EPCAM: variants seen among roughly 807,000 people sequenced by gnomAD.
EPCAM encodes the protein adenocarcinoma-associated antigen.
In EPCAM, 39 loss-of-function variants were observed where a neutral mutation model predicts 40.0. The ratio of observed to expected loss-of-function variants is 0.98; its 90% CI spans 0.76 to 1.27. EPCAM has a LOEUF of 1.27. Among genes scored for constraint, EPCAM ranks in the 50% most tolerant of loss-of-function variants. The pLI, the probability that EPCAM is intolerant of heterozygous loss-of-function variation, is 0.00. For synonymous variants in EPCAM, 168 were observed against 132.3 expected (o/e 1.27, Z -1.85); for missense variants, 503 against 381.2 (o/e 1.32, Z -2.66).
At chr2:47,373,205 T>TAAAA (rs777057814) in intron 1 of EPCAM, among the ~76,000 whole-genome samples, 1,416 of 64,876 alleles carry the variant, frequency 0.022, 113 homozygotes, top group East Asian at 0.055. Context: ...ACCCTATCTT[T>TAAAA]AAAAAAAAAA....
rs1312021137 is a variant in EPCAM at position 47,373,463 on chromosome 2, A to G, written c.77A>G (p.Glu26Gly). Reference protein sequence around the residue: ...ATATFAAAQEECVCENYKLAV... With the variant: ...ATATFAAAQEGCVCENYKLAV... Reference sequence around the variant, plus strand: ...GTAGATTTTTTTTTTAATTTTCTAGAATGTGTCTGTGAAAACTACAAGCTG... The same window carrying G: ...GTAGATTTTTTTTTTAATTTTCTAGGATGTGTCTGTGAAAACTACAAGCTG... The change falls in exon 2 of 9, where the codon GAA becomes GGA. Residue 26 changes from glutamate (E) to glycine (G), a missense_variant and splice_region_variant. Glu to Gly is a moderately conservative substitution (Grantham distance 98, BLOSUM62 -2). Transcript: ENST00000263735. 1 of 1,598,934 alleles carries G rather than the reference A, an allele frequency of 6.3e-7. No homozygotes were observed. The highest frequency in any genetic ancestry group is 8.6e-7 in the Non-Finnish European group (1 of 1,167,098).
rs1558432495 is a variant in EPCAM at position 47,369,341 on chromosome 2, C to T, written c.-165C>T. The T allele has an allele frequency of 3.9e-6, 5 of 1,276,200 alleles. No individual in the cohort carries two copies. The highest frequency in any genetic ancestry group is 5.1e-6 in the Non-Finnish European group (5 of 976,284). 79.1% of individuals were successfully genotyped at this position (1,276,200 alleles called of 1,614,324 possible). ...GCGCTAGTCCTTCGGCGAGCGAGCA[C>T]CTTCGACGCGGTCCGGGGACCCCCT... is the stretch of plus-strand genomic sequence containing the variant. On this transcript the variant is annotated 5_prime_UTR_variant, in exon 1 of 9. Transcript: ENST00000263735.
chr2:47,371,416 G>C (rs1029483962), intron 1 of EPCAM, among the ~76,000 whole-genome samples: 12 of 152,178 alleles, frequency 7.9e-5, no homozygotes. Context: ...ATGAGCCACC[G>C]GTCCGGCATC....
intron 4 of EPCAM, among the ~76,000 whole-genome samples, chr2:47,375,673 A>G (rs1482371955): frequency 1.3e-5 from 2 of 151,860 alleles, no homozygotes; most frequent in African/African-American, 2.4e-5. Flanking sequence ...ATTCTTTTAT[A>G]TAAACCACTA....
At chr2:47,371,078 C>A (rs74674972) in intron 1 of EPCAM, among the ~76,000 whole-genome samples, 2,198 of 152,286 alleles carry the variant, frequency 0.014, 56 homozygotes, top group African/African-American at 0.05. Flanking sequence ...CTCCTGGGCT[C>A]AAGTGATCAC....
At chr2:47,382,182 ATAT>A (rs377262043) in intron 7 of EPCAM, among the ~76,000 whole-genome samples, 157 of 152,308 alleles carry the variant, frequency 1.0e-3, no homozygotes, top group African/African-American at 3.3e-3. Context: ...GCAAAAATGG[ATAT>A]TATACATAAT....
At chr2:47,372,705 G>T (rs181474375) in intron 1 of EPCAM, among the ~76,000 whole-genome samples, 46 of 150,370 alleles carry the variant, frequency 3.1e-4, no homozygotes, top group African/African-American at 1.1e-3. Context: ...CTGGGAGATG[G>T]ATGTTGCAGT....
In EPCAM at chr2:47,372,499, C is replaced by T. The variant is rs150451856; in HGVS notation, c.77-964C>T. 3.9e-3 allele frequency among the ~76,000 whole-genome samples: 598 copies of T among 152,000 alleles called. 3 individuals carry two copies. Among genetic ancestry groups the T allele is most frequent in the African/African-American group, 0.013 (554 of 41,422 alleles). On this transcript the variant is annotated intron_variant, in intron 1 of 8. Transcript: ENST00000263735. ...CTAAAAATAGAAAAAAAAAGCCGGG[C>T]GCGGTGGCTGACACCTGTAATCCCA...
At position 47,386,608 on chromosome 2, in the gene EPCAM, G is replaced by A. The variant is rs959971996; in HGVS notation, c.940G>A (p.Ala314Thr). 9.4e-6 allele frequency: 15 copies of A among 1,602,736 alleles called. No individual in the cohort carries two copies. The highest frequency in any genetic ancestry group is 1.3e-5 in the Non-Finnish European group (15 of 1,170,568). Residue 314 changes from alanine to threonine, a missense_variant, in exon 9 of 9, where the codon GCA becomes ACA. Transcript: ENST00000263735. ...GGGTGAGATGCATAGGGAACTCAATGCATAACTATATAATTTGAAGATTAT... is the reference window on the plus strand; with the variant it reads ...GGGTGAGATGCATAGGGAACTCAATACATAACTATATAATTTGAAGATTAT... ...EMGEMHRELNA is the reference protein window; with the variant it reads ...EMGEMHRELNT
chr2:47,379,605 T>C (rs1403787632), intron 6 of EPCAM, among the ~76,000 whole-genome samples, 164 bp from the exon 7 acceptor site: 2 of 152,230 alleles, frequency 1.3e-5, no homozygotes, highest in Admixed American at 1.3e-4. Flanking sequence ...GAAAGGTTCC[T>C]GTAATAAACA....
intron 1 of EPCAM, among the ~76,000 whole-genome samples, chr2:47,370,836 C>G (rs1337272533): frequency 1.3e-5 from 2 of 152,210 alleles, no homozygotes; most frequent in African/African-American, 4.8e-5. Context: ...CTGCCTCAGC[C>G]TCCCGAGTAG....
intron 1 of EPCAM, among the ~76,000 whole-genome samples, chr2:47,371,775 C>A (rs1397041654): frequency 6.6e-6 from 1 of 152,128 alleles, no homozygotes; most frequent in Non-Finnish European, 1.5e-5. Flanking sequence ...GCTGTATTTT[C>A]CCCTTTTGTG....
chr2:47,377,696 A>G (rs778454448), intron 5 of EPCAM: 11 of 395,984 alleles, frequency 2.8e-5, no homozygotes, highest in Non-Finnish European at 5.0e-5. Context: ...ATCTTAAAGT[A>G]AATATGCACC....
At chr2:47,381,938 T>C (rs2103762899) in intron 7 of EPCAM, among the ~76,000 whole-genome samples, 1 of 152,262 alleles carries the variant, frequency 6.6e-6, no homozygotes, top group South Asian at 2.1e-4. Flanking sequence ...GGCTAATTTT[T>C]TAATTTTTAG....
At chr2:47,373,782 G>A in intron 2 of EPCAM, 26 bp from the exon 3 acceptor site, 1 of 1,613,574 alleles carries the variant, frequency 6.2e-7, no homozygotes, top group Non-Finnish European at 8.5e-7. Context: ...TTATTTTTCA[G>A]TTTGGCATTA....
intron 6 of EPCAM, among the ~76,000 whole-genome samples, chr2:47,379,265 C>T (rs111504983): frequency 1.3e-5 from 2 of 152,268 alleles, no homozygotes; most frequent in South Asian, 2.1e-4. Context: ...AATATCTCCC[C>T]TCTTTCTTAT....
chr2:47,381,457 A>G (rs1671586816), intron 7 of EPCAM, among the ~76,000 whole-genome samples: 1 of 151,380 alleles, frequency 6.6e-6, no homozygotes, highest in African/African-American at 2.4e-5. Flanking sequence ...GTTTGAGGGT[A>G]TTTAGGAACT....
intron 4 of EPCAM, among the ~76,000 whole-genome samples, chr2:47,375,595 C>G (rs1308447421): frequency 6.6e-6 from 1 of 152,080 alleles, no homozygotes; most frequent in African/African-American, 2.4e-5. Context: ...CACATGAGAG[C>G]AAGTTGTAGA....
intron 5 of EPCAM, among the ~76,000 whole-genome samples, chr2:47,378,092 G>GC (rs1163549820): frequency 3.9e-5 from 6 of 152,070 alleles, no homozygotes; most frequent in African/African-American, 1.4e-4. Flanking sequence ...ATAGCCGAAT[G>GC]TGGTGGTGGG....
Sources: allele counts gnomAD v4.1 joint callset (sites outside exome capture counted in the v4.1 genomes callset), GRCh38; gene constraint gnomAD v4.1.1; transcripts MANE v1.5; gene names NCBI Gene and HGNC (gene_info 2026-07-23, HGNC 2026-07-21).